The following CLEC17A variants were observed in gnomAD, a reference collection of about 807,000 sequenced individuals.
CLEC17A encodes the protein C-type lectin domain containing 17A, also known as C-type lectin domain family 17, member A.
CLEC17A carries 37 observed loss-of-function variants against 61.3 expected under a neutral mutation model. That is an observed-to-expected ratio of 0.60 (90% CI 0.46 to 0.79). The LOEUF is 0.79. Among genes scored for constraint, CLEC17A ranks in the 30% least tolerant of loss-of-function variants. The pLI, the probability that CLEC17A is intolerant of heterozygous loss-of-function variation, is 0.00. For missense variants in CLEC17A, 418 were observed against 464.7 expected (o/e 0.90, Z 0.92); for synonymous variants, 168 against 164.9 (o/e 1.02, Z -0.14).
intron 2 of CLEC17A, among the ~76,000 whole-genome samples, chr19:14,585,954 A>G (rs913171934): frequency 6.6e-5 from 10 of 151,410 alleles, no homozygotes; most frequent in Non-Finnish European, 1.2e-4. Flanking sequence ...AATACTTAAC[A>G]CCTATCCCCT....
At position 14,589,222 on chromosome 19, in the gene CLEC17A, C is replaced by T. The variant is rs1196684744; in HGVS notation, c.199+1531C>T. Among the ~76,000 whole-genome samples, 4 of 141,310 alleles carry T rather than the reference C, an allele frequency of 2.8e-5. No homozygotes were observed. The East Asian group carries it at 7.8e-4, about 28-fold the overall frequency. The allele number at this position is 141,310 out of a possible 152,430, so 92.7% of individuals were successfully genotyped here. ...TCCATCCCTGTCCCCAACCCATTTT[C>T]CATCCCATCCCACCCCATCCCAACA... On this transcript the variant is annotated intron_variant, in intron 3 of 13. Transcript: ENST00000417570.
At chr19:14,606,141 C>T (rs2074860928) in intron 12 of CLEC17A, among the ~76,000 whole-genome samples, 1 of 151,834 alleles carries the variant, frequency 6.6e-6, no homozygotes, top group Non-Finnish European at 1.5e-5. Context: ...ATTAAGGCTA[C>T]CGAGTAGCAC....
chr19:14,594,425 C>A, intron 4 of CLEC17A, 92 bp from the exon 5 acceptor site: 2 of 1,477,180 alleles, frequency 1.4e-6, no homozygotes, highest in Non-Finnish European at 9.2e-7. Flanking sequence ...AATCTCCAAT[C>A]CTCCACTGCA....
intron 3 of CLEC17A, among the ~76,000 whole-genome samples, chr19:14,591,135 T>C (rs1390137618): frequency 6.6e-6 from 1 of 151,646 alleles, no homozygotes; most frequent in Non-Finnish European, 1.5e-5. Flanking sequence ...GCTGTTGTCA[T>C]AGTTTCTTCT....
At chr19:14,602,395 T>C (rs2074742216) in intron 12 of CLEC17A, among the ~76,000 whole-genome samples, 1 of 152,128 alleles carries the variant, frequency 6.6e-6, no homozygotes, top group African/African-American at 2.4e-5. Context: ...GCTCAAGTGA[T>C]TATCCCACCT....
At chr19:14,590,446 T>C (rs2074381919) in intron 3 of CLEC17A, among the ~76,000 whole-genome samples, 1 of 151,484 alleles carries the variant, frequency 6.6e-6, no homozygotes, top group African/African-American at 2.4e-5. Flanking sequence ...CGGAGTGCAA[T>C]GGTGCAATCT....
intron 4 of CLEC17A, among the ~76,000 whole-genome samples, chr19:14,593,240 G>A (rs1379892934): frequency 6.6e-6 from 1 of 150,752 alleles, no homozygotes; most frequent in African/African-American, 2.5e-5. Flanking sequence ...GCTTTGGGAG[G>A]CCAAGATGGG....
In CLEC17A at chr19:14,590,357, A is replaced by G. The variant is rs1319004344; in HGVS notation, c.200-1924A>G. Among the ~76,000 whole-genome samples, 11 of 151,800 alleles carry G rather than the reference A, an allele frequency of 7.2e-5. 2 individuals carry two copies. Among genetic ancestry groups the G allele is most frequent in the African/African-American group, 2.7e-4 (11 of 41,376 alleles). The stretch of plus-strand genomic sequence containing the variant: ...GCAGTAATACTTAGTCTATATAAAA[A>G]CATATTTTAATGTTTCTTAATTTCT... On this transcript the variant is annotated intron_variant, in intron 3 of 13. Coordinates refer to ENST00000417570, the MANE Select transcript of CLEC17A (RefSeq NM_001204118.2).
intron 3 of CLEC17A, 146 bp downstream of exon 3, chr19:14,587,837 G>C (rs34955132): frequency 0.13 from 190,965 of 1,501,552 alleles, 21,331 homozygotes; most frequent in African/African-American, 0.6. Context: ...CTGCCCAGGA[G>C]GACCTGTCAG....
intron 12 of CLEC17A, among the ~76,000 whole-genome samples, chr19:14,604,458 A>G (rs1467002403): frequency 6.6e-6 from 1 of 152,148 alleles, no homozygotes; most frequent in Admixed American, 6.6e-5. Flanking sequence ...CAAAAATTTC[A>G]ATCACCTTAA....
intron 8 of CLEC17A, among the ~76,000 whole-genome samples, chr19:14,595,666 G>A (rs1313568169): frequency 1.3e-5 from 2 of 149,748 alleles, no homozygotes; most frequent in Non-Finnish European, 3.0e-5. Context: ...TAGTAACGAT[G>A]GTAGAGGTAG....
chr19:14,589,063 A>T (rs2074355654), intron 3 of CLEC17A, among the ~76,000 whole-genome samples: 1 of 151,092 alleles, frequency 6.6e-6, no homozygotes, highest in Non-Finnish European at 1.5e-5. Flanking sequence ...CCACATCCAC[A>T]TGCAGCCCAG....
chr19:14,591,819 A>C (rs897613976), intron 3 of CLEC17A, among the ~76,000 whole-genome samples: 2 of 151,348 alleles, frequency 1.3e-5, no homozygotes, highest in African/African-American at 4.9e-5. Flanking sequence ...CAGCCTCCCA[A>C]AGTGCTGGGA....
chr19:14,595,248 TA>T (rs2074515723), intron 7 of CLEC17A, 25 bp from the exon 8 acceptor site: 1 of 1,613,646 alleles, frequency 6.2e-7, no homozygotes, highest in Non-Finnish European at 8.5e-7. Flanking sequence ...ATCTTCTGAA[TA>T]AACCTCTCTC....
At chr19:14,591,223 C>G (rs984956113) in intron 3 of CLEC17A, among the ~76,000 whole-genome samples, 1 of 151,208 alleles carries the variant, frequency 6.6e-6, no homozygotes, top group African/African-American at 2.4e-5. Flanking sequence ...GGCGCGATCT[C>G]GGCTCACTGC....
At chr19:14,607,496 C>A in intron 13 of CLEC17A, among the ~76,000 whole-genome samples, 1 of 151,502 alleles carries the variant, frequency 6.6e-6, no homozygotes, top group Non-Finnish European at 1.5e-5. Context: ...AGCCACCGCG[C>A]CCGGCCAGGA....
chr19:14,591,337 G>A (rs1478035726), intron 3 of CLEC17A, among the ~76,000 whole-genome samples: 1 of 151,400 alleles, frequency 6.6e-6, no homozygotes, highest in Non-Finnish European at 1.5e-5. Context: ...TGTATTTTTA[G>A]TAGAGACAGG....
chr19:14,600,281 G>A (rs1166984062), intron 12 of CLEC17A, 99 bp downstream of exon 12: 1 of 1,421,438 alleles, frequency 7.0e-7, no homozygotes, highest in African/African-American at 1.4e-5. Flanking sequence ...CAAGAAATTA[G>A]AATTACTTTT....
chr19:14,583,200 C>T lies in CLEC17A; in HGVS notation c.40C>T (p.Pro14Ser). Residue 14 changes from proline (P) to serine (S), a missense_variant, in exon 1 of 14, where the codon CCA becomes TCA. Pro to Ser is a moderately conservative substitution (Grantham distance 74, BLOSUM62 -1). Transcript: ENST00000417570. ...TTCCATCACTGGGTACCCGGACCCA[C>T]CAGGTAAGGCCCCGGCCAGGCTGGG... ...LYSITGYPDP[P>S]GTMEEEEEDD... The T allele has an allele frequency of 6.2e-7, 1 of 1,613,916 alleles. No homozygotes were observed. The highest frequency in any genetic ancestry group is 8.5e-7 in the Non-Finnish European group (1 of 1,179,884).
Sources: allele counts gnomAD v4.1 joint callset (sites outside exome capture counted in the v4.1 genomes callset), GRCh38; gene constraint gnomAD v4.1.1; transcripts MANE v1.5; gene names NCBI Gene and HGNC (gene_info 2026-07-23, HGNC 2026-07-21).